The following GRM8 variants were observed in gnomAD, a reference collection of about 807,000 sequenced individuals.
GRM8 encodes the protein glutamate metabotropic receptor 8, also known as metabotropic glutamate receptor 8.
Under a neutral mutation model 87.2 loss-of-function variants are expected in GRM8, and 47 were observed. The observed-to-expected ratio is 0.54, with a 90% CI of 0.43 to 0.69. The LOEUF is 0.69. GRM8 is among the 30% of genes least tolerant of loss of function. GRM8 has a pLI of 0.00. For synonymous variants in GRM8, 396 were observed against 404.5 expected, an observed-to-expected ratio of 0.98 and a Z score of 0.25; for missense variants, 1,019 against 1,139.2, an observed-to-expected ratio of 0.89 and a Z score of 1.52.
At chr7:126,915,646 C>T (rs1045435708) in intron 3 of GRM8, among the ~76,000 whole-genome samples, 2 of 151,736 alleles carry the variant, frequency 1.3e-5, no homozygotes, top group Admixed American at 1.3e-4. Flanking sequence ...GACATGGGTA[C>T]AGGAACTGGG....
At chr7:126,503,228 C>T (rs1157686065) in intron 9 of GRM8, among the ~76,000 whole-genome samples, 1 of 151,922 alleles carries the variant, frequency 6.6e-6, no homozygotes, top group African/African-American at 2.4e-5. Flanking sequence ...AAATAAAAAG[C>T]AAAAGTACAG....
intron 7 of GRM8, among the ~76,000 whole-genome samples, chr7:126,763,036 T>TA (rs1817757645): frequency 6.6e-6 from 1 of 151,884 alleles, no homozygotes; most frequent in South Asian, 2.1e-4. Flanking sequence ...ATTGACCTCT[T>TA]AGAGATTGCA....
At chr7:126,614,995 C>T (rs1334334701) in intron 7 of GRM8, among the ~76,000 whole-genome samples, 2 of 152,040 alleles carry the variant, frequency 1.3e-5, no homozygotes, top group Non-Finnish European at 2.9e-5. Context: ...CAAGGCAGGA[C>T]AACATTCAAA....
chr7:126,663,192 T>C (rs985493633), intron 7 of GRM8, among the ~76,000 whole-genome samples: 1 of 152,226 alleles, frequency 6.6e-6, no homozygotes, highest in Non-Finnish European at 1.5e-5. Flanking sequence ...GATGGATTCA[T>C]GGCCAAATTC....
intron 2 of GRM8, among the ~76,000 whole-genome samples, chr7:127,181,213 G>A (rs1794415820): frequency 1.3e-5 from 2 of 151,940 alleles, no homozygotes; most frequent in Admixed American, 1.3e-4. Flanking sequence ...AGCAAGCAGA[G>A]AATCAAATCA....
chr7:126,639,055 A>G (rs1764458278), intron 7 of GRM8, among the ~76,000 whole-genome samples: 1 of 152,178 alleles, frequency 6.6e-6, no homozygotes, highest in African/African-American at 2.4e-5. Flanking sequence ...CACTCTCCCA[A>G]AATTGCTCAA....
At chr7:127,146,867 T>C (rs937298354) in intron 2 of GRM8, among the ~76,000 whole-genome samples, 18 of 152,018 alleles carry the variant, frequency 1.2e-4, no homozygotes, top group African/African-American at 4.3e-4. Flanking sequence ...GGATCTTCCA[T>C]GACCTAAAAG....
chr7:126,455,585 C>T (rs772713404), intron 9 of GRM8, among the ~76,000 whole-genome samples: 1 of 151,766 alleles, frequency 6.6e-6, no homozygotes, highest in African/African-American at 2.4e-5. Context: ...CTTATAATTA[C>T]ATCTTCTTAA....
intron 6 of GRM8, among the ~76,000 whole-genome samples, chr7:126,835,043 T>C (rs1382269908): frequency 6.8e-6 from 1 of 146,608 alleles, no homozygotes; most frequent in Admixed American, 6.9e-5. Flanking sequence ...ACCACTGCAC[T>C]CCAGCCTGGG....
intron 9 of GRM8, among the ~76,000 whole-genome samples, chr7:126,476,734 A>G (rs1805953935): frequency 6.6e-6 from 1 of 152,142 alleles, no homozygotes; most frequent in South Asian, 2.1e-4. Context: ...TATCCAAAAG[A>G]AAAAAATAAC....
intron 3 of GRM8, among the ~76,000 whole-genome samples, chr7:127,099,515 T>G (rs1825013913): frequency 6.6e-6 from 1 of 152,170 alleles, no homozygotes; most frequent in Non-Finnish European, 1.5e-5. Flanking sequence ...AGACAGACAC[T>G]GGGATCCCAT....
chr7:126,740,710 T>C (rs1814857966), intron 7 of GRM8, among the ~76,000 whole-genome samples: 1 of 152,152 alleles, frequency 6.6e-6, no homozygotes, highest in African/African-American at 2.4e-5. Flanking sequence ...TGAAAGGTCA[T>C]GAAAATGTGC....
intron 8 of GRM8, among the ~76,000 whole-genome samples, chr7:126,567,060 G>A (rs1039834582): frequency 2.0e-5 from 3 of 152,140 alleles, no homozygotes; most frequent in Non-Finnish European, 4.4e-5. Context: ...TAGAATGAGA[G>A]TGGGATGGAT....
intron 3 of GRM8, among the ~76,000 whole-genome samples, chr7:127,083,988 T>C (rs1405627782): frequency 1.3e-5 from 2 of 152,176 alleles, no homozygotes; most frequent in African/African-American, 4.8e-5. Flanking sequence ...TGAGAACAAG[T>C]ACTTCATACA....
chr7:126,517,814 T>C (rs915322639), intron 9 of GRM8, among the ~76,000 whole-genome samples: 1 of 152,062 alleles, frequency 6.6e-6, no homozygotes, highest in African/African-American at 2.4e-5. Flanking sequence ...GGGAAATAAT[T>C]ATTTTAGATA....
chr7:127,178,516 A>C (rs1054093161), intron 2 of GRM8, among the ~76,000 whole-genome samples: 13 of 152,226 alleles, frequency 8.5e-5, no homozygotes, highest in African/African-American at 3.1e-4. Flanking sequence ...TGGAAAATTC[A>C]TCACAAAAAG....
intron 3 of GRM8, among the ~76,000 whole-genome samples, chr7:127,096,739 G>T (rs1249139022): frequency 6.6e-6 from 1 of 152,038 alleles, no homozygotes; most frequent in East Asian, 1.9e-4. Context: ...GACAAATCTG[G>T]AACATAAACC....
intron 8 of GRM8, among the ~76,000 whole-genome samples, chr7:126,540,316 A>G (rs1258973656): frequency 2.0e-5 from 3 of 152,168 alleles, no homozygotes; most frequent in Non-Finnish European, 4.4e-5. Context: ...GTGGATGAAG[A>G]CATTTGGAAT....
chr7:126,441,792 G>A (rs921700332), intron 10 of GRM8, among the ~76,000 whole-genome samples: 1 of 65,342 alleles, frequency 1.5e-5, no homozygotes. Flanking sequence ...AATTAACTCA[G>A]ATAGCCCTAA....
Sources: gnomAD v4.1 joint callset for allele counts (sites outside exome capture counted in the v4.1 genomes callset) on GRCh38, gnomAD v4.1.1 for gene constraint, MANE v1.5 for transcripts, NCBI Gene and HGNC (gene_info 2026-07-23, HGNC 2026-07-21) for gene names.